NOL4: variants seen among roughly 807,000 people sequenced by gnomAD.
The protein encoded by NOL4 is cancer/testis antigen 125.
A neutral mutation model predicts 75.9 loss-of-function variants in NOL4; 17 were observed. The ratio of observed to expected loss-of-function variants is 0.22; its 90% confidence interval spans 0.15 to 0.34. The LOEUF (loss-of-function observed/expected upper bound fraction) is 0.34, where lower values mean the gene tolerates loss of function less well. NOL4 is among the 10% of genes least tolerant of loss of function. NOL4 has a pLI of 1.00. For missense variants in NOL4, 614 were observed against 793.5 expected (o/e 0.77, Z 2.72); for synonymous variants, 292 against 289.9 (o/e 1.01, Z -0.07).
chr18:33,986,925 T>C lies in NOL4; in HGVS notation c.1057-28507A>G, dbSNP rs80035179. Reference sequence around the variant, plus strand: ...ATCCATATATTGCGATACTAATCAGTAGGTACTGTGTGAGTCAACTGATCT... The same window carrying C: ...ATCCATATATTGCGATACTAATCAGCAGGTACTGTGTGAGTCAACTGATCT... On this transcript the variant is annotated intron_variant, in intron 6 of 10. Coordinates refer to ENST00000261592, the MANE Select transcript of NOL4 (RefSeq NM_003787.5). Among the ~76,000 whole-genome samples, 349 of 152,162 alleles carry C rather than the reference T, an allele frequency of 2.3e-3. 2 individuals carry two copies. Among genetic ancestry groups the C allele is most frequent in the African/African-American group, 8.2e-3 (340 of 41,536 alleles).
At chr18:33,953,341 A>G (rs1196783623) in intron 8 of NOL4, among the ~76,000 whole-genome samples, 1 of 151,882 alleles carries the variant, frequency 6.6e-6, no homozygotes, top group Non-Finnish European at 1.5e-5. Flanking sequence ...TATAATCTTC[A>G]GGTTTTACAA....
intron 8 of NOL4, among the ~76,000 whole-genome samples, chr18:33,949,452 G>A (rs78524766): frequency 3.9e-4 from 60 of 152,176 alleles, no homozygotes; most frequent in Admixed American, 1.2e-3. Flanking sequence ...TTGGAGGATT[G>A]ATCTTGGGTT....
chr18:33,939,471 C>T (rs1409765807), intron 9 of NOL4, among the ~76,000 whole-genome samples: 1 of 152,024 alleles, frequency 6.6e-6, no homozygotes, highest in Non-Finnish European at 1.5e-5. Context: ...TTATAGTTCT[C>T]CTTGAAGAGG....
rs995723063 is a variant in NOL4, at chr18:34,154,908, C to T, written c.265-24888G>A. ...CTGATGACTACTGAGGTTGTGGATCCTTTCTTACATTTATTAGTTATTTAG... is the reference window on the plus strand; with the variant it reads ...CTGATGACTACTGAGGTTGTGGATCTTTTCTTACATTTATTAGTTATTTAG... On this transcript the variant is annotated intron_variant, in intron 1 of 10. Transcript: ENST00000261592. 3.9e-5 allele frequency among the ~76,000 whole-genome samples: 6 copies of T among 151,978 alleles called. No individual in the cohort carries two copies. The East Asian group carries it at 7.7e-4, about 20-fold the overall frequency.
intron 1 of NOL4, among the ~76,000 whole-genome samples, chr18:34,162,099 A>G (rs2031577870): frequency 6.6e-6 from 1 of 152,178 alleles, no homozygotes; most frequent in South Asian, 2.1e-4. Context: ...CGCTAAATGC[A>G]AATGTATATT....
intron 8 of NOL4, among the ~76,000 whole-genome samples, chr18:33,951,539 T>C (rs1235038941): frequency 6.6e-6 from 1 of 152,040 alleles, no homozygotes; most frequent in African/African-American, 2.4e-5. Flanking sequence ...AAATTCTTCA[T>C]CATTATCTTT....
At chr18:33,925,567 C>A (rs1413354603) in intron 9 of NOL4, among the ~76,000 whole-genome samples, 1 of 152,134 alleles carries the variant, frequency 6.6e-6, no homozygotes, top group Non-Finnish European at 1.5e-5. Flanking sequence ...TTAAATTAAA[C>A]TAATGTGACT....
intron 5 of NOL4, among the ~76,000 whole-genome samples, chr18:34,055,600 T>C (rs1033771471): frequency 6.6e-6 from 1 of 152,142 alleles, no homozygotes; most frequent in Non-Finnish European, 1.5e-5. Context: ...TTCGTCCTGG[T>C]TGCAGTTGGT....
At chr18:33,904,394 G>C (rs920152842) in intron 9 of NOL4, among the ~76,000 whole-genome samples, 1 of 151,904 alleles carries the variant, frequency 6.6e-6, no homozygotes, top group African/African-American at 2.4e-5. Context: ...CCTTGGCCAA[G>C]GGAGCCCCAG....
intron 5 of NOL4, among the ~76,000 whole-genome samples, chr18:34,032,847 G>A (rs1355618321): frequency 6.6e-6 from 1 of 152,148 alleles, no homozygotes; most frequent in African/African-American, 2.4e-5. Flanking sequence ...GGGGCCTAAA[G>A]ACTGGCCTTC....
chr18:34,134,487 C>T (rs1213403364), intron 1 of NOL4, among the ~76,000 whole-genome samples: 4 of 145,674 alleles, frequency 2.7e-5, no homozygotes, highest in Non-Finnish European at 6.1e-5. Context: ...CACACACACA[C>T]ACACACACAT....
intron 9 of NOL4, among the ~76,000 whole-genome samples, chr18:33,926,155 A>G (rs1172492674): frequency 6.6e-6 from 1 of 151,838 alleles, no homozygotes; most frequent in Admixed American, 6.6e-5. Flanking sequence ...AGGTCAAGAG[A>G]TCGAGACCAT....
At chr18:33,988,629 T>C (rs1286072231) in intron 6 of NOL4, among the ~76,000 whole-genome samples, 1 of 151,960 alleles carries the variant, frequency 6.6e-6, no homozygotes. Context: ...GTATAGATGA[T>C]GTAGATTGAC....
chr18:34,050,579 A>T (rs2076586552), intron 5 of NOL4, among the ~76,000 whole-genome samples: 1 of 152,098 alleles, frequency 6.6e-6, no homozygotes, highest in African/African-American at 2.4e-5. Context: ...CACAACTTAG[A>T]TTTGGATGTT....
At chr18:33,919,985 T>G (rs2066935177) in intron 9 of NOL4, among the ~76,000 whole-genome samples, 1 of 152,208 alleles carries the variant, frequency 6.6e-6, no homozygotes, top group East Asian at 1.9e-4. Flanking sequence ...ATTTTCTACA[T>G]TCATGAAAGA....
At chr18:33,979,440 A>C (rs2071766457) in intron 6 of NOL4, among the ~76,000 whole-genome samples, 1 of 152,080 alleles carries the variant, frequency 6.6e-6, no homozygotes, top group Non-Finnish European at 1.5e-5. Flanking sequence ...ACCTATTTAT[A>C]AAATGTCTTA....
intron 6 of NOL4, among the ~76,000 whole-genome samples, chr18:33,995,666 T>C (rs1170146850): frequency 2.0e-5 from 3 of 151,908 alleles, no homozygotes; most frequent in Admixed American, 6.6e-5. Context: ...AACTTACCTT[T>C]TGATTTCTTC....
At chr18:34,064,581 C>A (rs901227257) in intron 5 of NOL4, among the ~76,000 whole-genome samples, 1 of 151,822 alleles carries the variant, frequency 6.6e-6, no homozygotes, top group African/African-American at 2.4e-5. Flanking sequence ...AGCATGCATT[C>A]CAAGTTATGA....
intron 6 of NOL4, among the ~76,000 whole-genome samples, chr18:34,004,294 G>A (rs1422163290): frequency 6.6e-6 from 1 of 151,950 alleles, no homozygotes; most frequent in African/African-American, 2.4e-5. Flanking sequence ...ACCACTTTGG[G>A]CACAAGTTCT....
Sources: allele counts gnomAD v4.1 joint callset (sites outside exome capture counted in the v4.1 genomes callset), GRCh38; gene constraint gnomAD v4.1.1; transcripts MANE v1.5; gene names NCBI Gene and HGNC (gene_info 2026-07-23, HGNC 2026-07-21).